Variants in OR52J3 observed in about 807,000 individuals in gnomAD.
OR52J3 encodes olfactory receptor family 52 subfamily J member 3, also known as olfactory receptor 52J3.
For synonymous variants in OR52J3, 159 were observed against 142.9 expected (o/e 1.11, Z -0.80); for missense variants, 450 against 392.3 (o/e 1.15, Z -1.24).
chr11:5,047,409 T>C lies in OR52J3; in HGVS notation c.884T>C (p.Val295Ala), dbSNP rs149126762. The C allele has an allele frequency of 6.7e-5, 108 of 1,609,500 alleles. No individual in the cohort carries two copies. Among genetic ancestry groups the C allele is most frequent in the African/African-American group, 2.5e-4 (19 of 74,652 alleles). Residue 295 changes from valine to alanine, a missense_variant, in exon 1 of 1, where the codon GTG (valine) becomes GCG (alanine). Val to Ala is a moderately conservative substitution (Grantham distance 64). Transcript: ENST00000380370. ...PPSLNPIIYG[V>A]RTKQIRERVL... ...TCTCTCAACCCCATCATTTATGGGGTGAGGACCAAACAGATTCGAGAACGA... is the reference window on the plus strand; with the variant it reads ...TCTCTCAACCCCATCATTTATGGGGCGAGGACCAAACAGATTCGAGAACGA...
In OR52J3 at chr11:5,046,683, T is replaced by C. The variant is rs757610559; in HGVS notation, c.158T>C (p.Val53Ala). 2 of 1,614,016 alleles carry C rather than the reference T, an allele frequency of 1.2e-6. No homozygotes were observed. Among genetic ancestry groups the C allele is most frequent in the East Asian group, 2.2e-5 (1 of 44,860 alleles). ...GNATILLVIK[V>A]EQTLREPMFY... Reference sequence around the variant, plus strand: ...GCCACCATTCTGCTAGTCATCAAGGTAGAACAGACTCTCCGGGAGCCCATG... The same window carrying C: ...GCCACCATTCTGCTAGTCATCAAGGCAGAACAGACTCTCCGGGAGCCCATG... Residue 53 changes from valine to alanine, a missense_variant, in exon 1 of 1, where the codon GTA (valine) becomes GCA (alanine). Coordinates refer to ENST00000380370, the MANE Select transcript of OR52J3 (RefSeq NM_001001916.2).
At position 5,046,569 on chromosome 11, in the gene OR52J3, TC is replaced by T; in HGVS notation, c.46del (p.Leu16SerfsTer34). On this transcript the variant is annotated frameshift_variant, in exon 1 of 1. Coordinates refer to ENST00000380370, the MANE Select transcript of OR52J3 (RefSeq NM_001001916.2). LOFTEE classifies it low-confidence loss of function (END_TRUNC). ...NKSIFHPVTF[F>X]LIGIPGLEDF... ...AGCATATTTCACCCAGTCACATTTT[TC>T]CTCATTGGAATCCCAGGTCTGGAAG... 1 of 1,613,964 alleles carries T rather than the reference TC, an allele frequency of 6.2e-7. No homozygotes were observed. The highest frequency in any genetic ancestry group is 8.5e-7 in the Non-Finnish European group (1 of 1,179,946).
Position 5,047,121 on chromosome 11 carries a change from T to C in OR52J3, c.596T>C (p.Ile199Thr), listed in dbSNP as rs777190011. 2 of 1,612,914 alleles carry C rather than the reference T, an allele frequency of 1.2e-6. No individual in the cohort carries two copies. Among genetic ancestry groups the C allele is most frequent in the East Asian group, 2.2e-5 (1 of 44,856 alleles). ...TGTGGAAACATTCGTATCAATGGTA[T>C]CTATGGGCTTTTTGTAGTTTCTTTC... ...LSCGNIRING[I>T]YGLFVVSFFV... is the part of the protein sequence containing the mutation. The change falls in exon 1 of 1, where the codon ATC becomes ACC. Residue 199 changes from isoleucine to threonine, a missense_variant. Transcript: ENST00000380370.
Position 5,047,247 on chromosome 11 carries a change from C to A in OR52J3, c.722C>A (p.Thr241Lys). The change falls in exon 1 of 1, where the codon ACG (threonine) becomes AAG (lysine). Residue 241 changes from threonine (T) to lysine (K), a missense_variant. Transcript: ENST00000380370. ...SHDAQLKALS[T>K]CGAHVGVICV... ...GATGCTCAGCTAAAAGCCCTAAGCA[C>A]GTGTGGCGCTCATGTTGGAGTCATC... The A allele has an allele frequency of 1.2e-6, 2 of 1,612,566 alleles. No individual in the cohort carries two copies. Among genetic ancestry groups the A allele is most frequent in the Non-Finnish European group, 1.7e-6 (2 of 1,179,738 alleles).
In OR52J3 at chr11:5,046,889, T is replaced by G. The variant is rs1251116992; in HGVS notation, c.364T>G (p.Phe122Val). 8.7e-6 allele frequency: 14 copies of G among 1,613,884 alleles called. No homozygotes were observed. Among genetic ancestry groups the G allele is most frequent in the Non-Finnish European group, 1.2e-5 (14 of 1,179,948 alleles). Residue 122 changes from phenylalanine (F) to valine (V), a missense_variant, in exon 1 of 1, where the codon TTT becomes GTT. Transcript: ENST00000380370. ...GGCTGAGGTCTTACTGGCTATGGCT[T>G]TTGACCGTTATGTGGCCGTCTGTGC... ...MEAEVLLAMA[F>V]DRYVAVCAPL...
At position 5,047,440 on chromosome 11, in the gene OR52J3, C is replaced by T. The variant is rs754172531; in HGVS notation, c.915C>T (p.Leu305=). Residue 305 remains leucine, a synonymous_variant, in exon 1 of 1, where the codon CTC becomes CTT. Transcript: ENST00000380370. ...VRTKQIRERV[L]YVFTKK ...CCAAACAGATTCGAGAACGAGTGCT[C>T]TATGTTTTTACTAAAAAATAAGACT... The T allele has an allele frequency of 1.3e-6, 2 of 1,591,524 alleles. No individual in the cohort carries two copies. Among genetic ancestry groups the T allele is most frequent in the Admixed American group, 1.7e-5 (1 of 57,386 alleles).
In OR52J3 at chr11:5,046,558, A is replaced by G. The variant is rs373544222; in HGVS notation, c.33A>G (p.Pro11=). MFYHNKSIFH[P]VTFFLIGIPG... ...ATCACAACAAGAGCATATTTCACCC[A>G]GTCACATTTTTCCTCATTGGAATCC... The change falls in exon 1 of 1, where the codon CCA becomes CCG. Residue 11 remains proline, a synonymous_variant. Coordinates refer to ENST00000380370, the MANE Select transcript of OR52J3 (RefSeq NM_001001916.2). 432 of 1,613,822 alleles carry G rather than the reference A, an allele frequency of 2.7e-4. No homozygotes were observed. Among genetic ancestry groups the G allele is most frequent in the South Asian group, 5.6e-4 (51 of 91,066 alleles).
At position 5,047,265 on chromosome 11, in the gene OR52J3, G is replaced by T. The variant is rs1040215387; in HGVS notation, c.740G>T (p.Gly247Val). ...KALSTCGAHVGVICVFYIPSV... is the reference protein window; with the variant it reads ...KALSTCGAHVVVICVFYIPSV... The stretch of plus-strand genomic sequence containing the variant: ...CTAAGCACGTGTGGCGCTCATGTTG[G>T]AGTCATCTGTGTTTTCTATATCCCT... Residue 247 changes from glycine to valine, a missense_variant, in exon 1 of 1, where the codon GGA becomes GTA. By Grantham distance (109) the Gly-to-Val change is moderately radical. Transcript: ENST00000380370. 3.7e-6 allele frequency: 6 copies of T among 1,612,490 alleles called. No homozygotes were observed. The highest frequency in any genetic ancestry group is 5.1e-6 in the Non-Finnish European group (6 of 1,179,722).
Position 5,046,542 on chromosome 11 carries a change from A to G in OR52J3, c.17A>G (p.Lys6Arg), listed in dbSNP as rs1435917340. The change falls in exon 1 of 1, where the codon AAG (lysine) becomes AGG (arginine). Residue 6 changes from lysine to arginine, a missense_variant. Physicochemically the swap from Lys to Arg is conservative, Grantham distance 26. Coordinates refer to ENST00000380370, the MANE Select transcript of OR52J3 (RefSeq NM_001001916.2). MFYHN[K>R]SIFHPVTFFL... ...TTTGGAAAAATGTTTTATCACAACA[A>G]GAGCATATTTCACCCAGTCACATTT... 1 of 1,613,544 alleles carries G rather than the reference A, an allele frequency of 6.2e-7. No individual in the cohort carries two copies. The highest frequency in any genetic ancestry group is 8.5e-7 in the Non-Finnish European group (1 of 1,179,712).
In OR52J3 at chr11:5,047,125, T is replaced by C. The variant is rs773882167; in HGVS notation, c.600T>C (p.Tyr200=). Residue 200 remains tyrosine (Y), a synonymous_variant, in exon 1 of 1, where the codon TAT becomes TAC. Coordinates refer to ENST00000380370, the MANE Select transcript of OR52J3 (RefSeq NM_001001916.2). The stretch of plus-strand genomic sequence containing the variant: ...GAAACATTCGTATCAATGGTATCTA[T>C]GGGCTTTTTGTAGTTTCTTTCTTTG... ...SCGNIRINGI[Y]GLFVVSFFVL... is the part of the protein sequence containing the mutation. 3 of 1,612,882 alleles carry C rather than the reference T, an allele frequency of 1.9e-6. No homozygotes were observed. The highest frequency in any genetic ancestry group is 2.2e-5 in the East Asian group (1 of 44,862).
rs140712049 is a variant in OR52J3, at chr11:5,046,664, A to G, written c.139A>G (p.Ile47Val). 179 of 1,613,990 alleles carry G rather than the reference A, an allele frequency of 1.1e-4. 3 individuals carry two copies. In the African/African-American group the frequency reaches 1.8e-3, roughly 16 times the overall value. ...TGTGGCTTTGCTGGGCAATGCCACCATTCTGCTAGTCATCAAGGTAGAACA... is the reference window on the plus strand; with the variant it reads ...TGTGGCTTTGCTGGGCAATGCCACCGTTCTGCTAGTCATCAAGGTAGAACA... Reference protein sequence around the residue: ...YLVALLGNATILLVIKVEQTL... With the variant: ...YLVALLGNATVLLVIKVEQTL... The change falls in exon 1 of 1, where the codon ATT (isoleucine) becomes GTT (valine). Residue 47 changes from isoleucine (I) to valine (V), a missense_variant. By Grantham distance (29) the Ile-to-Val change is conservative. Transcript: ENST00000380370.
rs756860141 is a variant in OR52J3 at position 5,047,096 on chromosome 11, T to C, written c.571T>C (p.Cys191Arg). ...CEHMGIAKLSCGNIRINGIYG... is the reference protein window; with the variant it reads ...CEHMGIAKLSRGNIRINGIYG... ...GCACATGGGCATTGCAAAATTGTCC[T>C]GTGGAAACATTCGTATCAATGGTAT... Residue 191 changes from cysteine (C) to arginine (R), a missense_variant, in exon 1 of 1, where the codon TGT (cysteine) becomes CGT (arginine). Cys to Arg is a radical substitution (Grantham distance 180). Transcript: ENST00000380370. The C allele has an allele frequency of 6.2e-7, 1 of 1,613,358 alleles. No homozygotes were observed.
In OR52J3 at chr11:5,047,374, T is replaced by A. The variant is rs767733773; in HGVS notation, c.849T>A (p.Ile283=). Residue 283 remains isoleucine, a synonymous_variant, in exon 1 of 1, where the codon ATT becomes ATA. Coordinates refer to ENST00000380370, the MANE Select transcript of OR52J3 (RefSeq NM_001001916.2). The stretch of plus-strand genomic sequence containing the variant: ...TTCTTGTTGCCAATCTCTATTTGAT[T>A]ATCCCACCCTCTCTCAACCCCATCA... ...IHILVANLYL[I]IPPSLNPIIY... is the part of the protein sequence containing the mutation. 22 of 1,612,470 alleles carry A rather than the reference T, an allele frequency of 1.4e-5. No individual in the cohort carries two copies. In the Middle Eastern group the frequency reaches 4.9e-4, roughly 36 times the overall value.
Position 5,046,609 on chromosome 11 carries a change from G to T in OR52J3, c.84G>T (p.Trp28Cys). The change falls in exon 1 of 1, where the codon TGG becomes TGT. Residue 28 changes from tryptophan to cysteine, a missense_variant. Transcript: ENST00000380370. Reference sequence around the variant, plus strand: ...CAGGTCTGGAAGACTTCCACATGTGGATCTCCGGGCCTTTCTGCTCTGTTT... The same window carrying T: ...CAGGTCTGGAAGACTTCCACATGTGTATCTCCGGGCCTTTCTGCTCTGTTT... ...GIPGLEDFHMWISGPFCSVYL... is the reference protein window; with the variant it reads ...GIPGLEDFHMCISGPFCSVYL... 6.2e-7 allele frequency: 1 copy of T among 1,613,918 alleles called. No homozygotes were observed. The highest frequency in any genetic ancestry group is 2.2e-5 in the East Asian group (1 of 44,850).
In OR52J3 at chr11:5,046,585, A is replaced by T; in HGVS notation, c.60A>T (p.Pro20=). The change falls in exon 1 of 1, where the codon CCA becomes CCT. Residue 20 remains proline (P), a synonymous_variant. Transcript: ENST00000380370. ...TCACATTTTTCCTCATTGGAATCCC[A>T]GGTCTGGAAGACTTCCACATGTGGA... is the stretch of plus-strand genomic sequence containing the variant. ...HPVTFFLIGI[P]GLEDFHMWIS... 1 of 1,613,918 alleles carries T rather than the reference A, an allele frequency of 6.2e-7. No homozygotes were observed. Among genetic ancestry groups the T allele is most frequent in the Non-Finnish European group, 8.5e-7 (1 of 1,179,904 alleles).
chr11:5,046,575 T>C lies in OR52J3; in HGVS notation c.50T>C (p.Ile17Thr), dbSNP rs199983732. The change falls in exon 1 of 1, where the codon ATT becomes ACT. Residue 17 changes from isoleucine to threonine, a missense_variant. Ile to Thr is a moderately conservative substitution (Grantham distance 89). Transcript: ENST00000380370. Reference sequence around the variant, plus strand: ...TTTCACCCAGTCACATTTTTCCTCATTGGAATCCCAGGTCTGGAAGACTTC... The same window carrying C: ...TTTCACCCAGTCACATTTTTCCTCACTGGAATCCCAGGTCTGGAAGACTTC... The part of the protein sequence containing the change: ...SIFHPVTFFL[I>T]GIPGLEDFHM... 4 of 1,613,970 alleles carry C rather than the reference T, an allele frequency of 2.5e-6. No homozygotes were observed. Among genetic ancestry groups the C allele is most frequent in the East Asian group, 4.5e-5 (2 of 44,864 alleles).
In OR52J3 at chr11:5,047,010, T is replaced by A. The variant is rs762463749; in HGVS notation, c.485T>A (p.Val162Asp). 1.2e-6 allele frequency: 2 copies of A among 1,613,784 alleles called. No individual in the cohort carries two copies. The highest frequency in any genetic ancestry group is 1.1e-5 in the South Asian group (1 of 91,064). Residue 162 changes from valine to aspartate, a missense_variant, in exon 1 of 1, where the codon GTC (valine) becomes GAC (aspartate). Physicochemically the swap from Val to Asp is radical, Grantham distance 152. Coordinates refer to ENST00000380370, the MANE Select transcript of OR52J3 (RefSeq NM_001001916.2). ...IRPVLLTLPMVYLIYRLPFCQ... is the reference protein window; with the variant it reads ...IRPVLLTLPMDYLIYRLPFCQ... Reference sequence around the variant, plus strand: ...CCCGTTTTACTTACACTTCCCATGGTCTATCTTATCTACCGCCTACCCTTT... The same window carrying A: ...CCCGTTTTACTTACACTTCCCATGGACTATCTTATCTACCGCCTACCCTTT...
At position 5,047,099 on chromosome 11, in the gene OR52J3, G is replaced by A; in HGVS notation, c.574G>A (p.Gly192Arg). The change falls in exon 1 of 1, where the codon GGA (glycine) becomes AGA (arginine). Residue 192 changes from glycine to arginine, a missense_variant. By Grantham distance (125) the Gly-to-Arg change is moderately radical (BLOSUM62 -2). Transcript: ENST00000380370. ...CATGGGCATTGCAAAATTGTCCTGT[G>A]GAAACATTCGTATCAATGGTATCTA... Reference protein sequence around the residue: ...EHMGIAKLSCGNIRINGIYGL... With the variant: ...EHMGIAKLSCRNIRINGIYGL... 1 of 1,612,922 alleles carries A rather than the reference G, an allele frequency of 6.2e-7. No individual in the cohort carries two copies. The highest frequency in any genetic ancestry group is 8.5e-7 in the Non-Finnish European group (1 of 1,179,782).
chr11:5,047,263 T>C lies in OR52J3; in HGVS notation c.738T>C (p.Val246=), dbSNP rs1302021120. ...LKALSTCGAH[V]GVICVFYIPS... ...CCCTAAGCACGTGTGGCGCTCATGT[T>C]GGAGTCATCTGTGTTTTCTATATCC... The change falls in exon 1 of 1, where the codon GTT becomes GTC. Residue 246 remains valine, a synonymous_variant. Transcript: ENST00000380370. The C allele has an allele frequency of 1.9e-6, 3 of 1,612,894 alleles. No individual in the cohort carries two copies. The highest frequency in any genetic ancestry group is 2.5e-6 in the Non-Finnish European group (3 of 1,179,808).
Sources: allele counts gnomAD v4.1 joint callset, GRCh38; gene constraint gnomAD v4.1.1; transcripts MANE v1.5; gene names NCBI Gene and HGNC (gene_info 2026-07-23, HGNC 2026-07-21).